ADGRA3: variants seen among roughly 807,000 people sequenced by gnomAD.
The protein encoded by ADGRA3 is adhesion G protein-coupled receptor A3.
In ADGRA3, 56 loss-of-function variants were observed where a neutral mutation model predicts 119.8. The ratio of observed to expected loss-of-function variants is 0.47; its 90% CI spans 0.38 to 0.58. ADGRA3 has a LOEUF of 0.58. ADGRA3 is among the 20% of genes least tolerant of loss of function. ADGRA3 has a pLI of 0.00. For missense variants in ADGRA3, 1,516 were observed against 1,649.0 expected (o/e 0.92, Z 1.40); for synonymous variants, 607 against 623.8 (o/e 0.97, Z 0.40).
intron 1 of ADGRA3, 101 bp downstream of exon 1, chr4:22,515,427 A>G (rs1719615616): frequency 7.1e-7 from 1 of 1,407,176 alleles, no homozygotes; most frequent in African/African-American, 1.5e-5. Context: ...ACAGCTCCAC[A>G]CAAAGGCGCG....
chr4:22,429,944 G>A (rs1027619784), intron 10 of ADGRA3, among the ~76,000 whole-genome samples: 1 of 152,174 alleles, frequency 6.6e-6, no homozygotes. Flanking sequence ...GAGGGACCCA[G>A]TGGGAGATAA....
intron 1 of ADGRA3, among the ~76,000 whole-genome samples, chr4:22,505,350 GC>G (rs1338490661): frequency 1.3e-5 from 2 of 152,096 alleles, no homozygotes; most frequent in Non-Finnish European, 2.9e-5. Flanking sequence ...AACTCCCGTT[GC>G]CCATTTAGAA....
rs1219982633 is a variant in ADGRA3, at chr4:22,510,546, CCTAA to C, written c.257+4978_257+4981del. Among the ~76,000 whole-genome samples, 6 of 152,156 alleles carry C rather than the reference CCTAA, an allele frequency of 3.9e-5. No individual in the cohort carries two copies. In the East Asian group the frequency reaches 7.8e-4, roughly 20 times the overall value. On this transcript the variant is annotated intron_variant, in intron 1 of 18. Coordinates refer to ENST00000334304, the MANE Select transcript of ADGRA3 (RefSeq NM_145290.4). The stretch of plus-strand genomic sequence containing the variant: ...CTCCTCTCCCCTCTGTGCACTCTCT[CCTAA>C]CTGACCCCAACCAGGCCTGTGTTTG...
At chr4:22,407,778 T>A (rs1188122126) in intron 14 of ADGRA3, among the ~76,000 whole-genome samples, 1 of 152,182 alleles carries the variant, frequency 6.6e-6, no homozygotes, top group Non-Finnish European at 1.5e-5. Context: ...TGTTTACTTG[T>A]CAGAGATTCA....
chr4:22,415,505 T>G (rs1715391349), intron 12 of ADGRA3, among the ~76,000 whole-genome samples: 1 of 152,134 alleles, frequency 6.6e-6, no homozygotes, highest in Admixed American at 6.5e-5. Context: ...TAGATTTCCA[T>G]TAAGTACACA....
chr4:22,494,896 T>C (rs1718757197), intron 1 of ADGRA3, among the ~76,000 whole-genome samples: 1 of 152,010 alleles, frequency 6.6e-6, no homozygotes, highest in Non-Finnish European at 1.5e-5. Flanking sequence ...AGACCCCTAG[T>C]GGATACTTAA....
At chr4:22,401,256 A>G (rs1714625244) in intron 16 of ADGRA3, among the ~76,000 whole-genome samples, 175 bp downstream of exon 16, 1 of 152,208 alleles carries the variant, frequency 6.6e-6, no homozygotes, top group African/African-American at 2.4e-5. Flanking sequence ...TCAGTTGCAA[A>G]ATGGTAATTT....
intron 1 of ADGRA3, 21 bp from the exon 2 acceptor site, chr4:22,473,864 A>T (rs765776987): frequency 6.7e-7 from 1 of 1,503,622 alleles, no homozygotes; most frequent in Admixed American, 1.7e-5. Flanking sequence ...CCAAAAAAAT[A>T]ATAAGTTGCC....
At chr4:22,389,238 T>A (rs1714006549) in intron 17 of ADGRA3, 55 bp from the exon 18 acceptor site, 1 of 1,120,542 alleles carries the variant, frequency 8.9e-7, no homozygotes, top group Non-Finnish European at 1.4e-6. Flanking sequence ...TTAACATGTA[T>A]CTCTCATAAT....
Position 22,424,195 on chromosome 4 carries a change from G to T in ADGRA3, c.1601C>A (p.Ser534Ter). Reference sequence around the variant, plus strand: ...CTATGATAATGTTACACTTACTGTTGAATAAACGTGAGCTCCACCGGCTAG... The same window carrying T: ...CTATGATAATGTTACACTTACTGTTTAATAAACGTGAGCTCCACCGGCTAG... Reference protein sequence around the residue: ...YRLAGGAHVYSTYSPNIALEA... With the variant: ...YRLAGGAHVY Residue 534 changes from serine to a stop codon, truncating the protein, a stop_gained, in exon 11 of 19, where the codon TCA becomes TAA. Coordinates refer to ENST00000334304, the MANE Select transcript of ADGRA3 (RefSeq NM_145290.4). LOFTEE classifies it high-confidence loss of function. 6.2e-7 allele frequency: 1 copy of T among 1,608,860 alleles called. No individual in the cohort carries two copies. Among genetic ancestry groups the T allele is most frequent in the Non-Finnish European group, 8.5e-7 (1 of 1,177,436 alleles).
intron 1 of ADGRA3, chr4:22,477,959 T>C (rs946970521): frequency 1.3e-5 from 2 of 152,194 alleles, no homozygotes; most frequent in Non-Finnish European, 2.9e-5. Context: ...CTAAAACCCA[T>C]TCATAATCAA....
intron 1 of ADGRA3, among the ~76,000 whole-genome samples, chr4:22,507,036 G>C (rs1239701957): frequency 2.0e-5 from 3 of 151,458 alleles, no homozygotes; most frequent in Non-Finnish European, 4.4e-5. Flanking sequence ...AGGAGCTGGA[G>C]AGTATCCTTG....
At chr4:22,412,898 C>G (rs1159443286) in intron 14 of ADGRA3, among the ~76,000 whole-genome samples, 1 of 152,026 alleles carries the variant, frequency 6.6e-6, no homozygotes, top group Non-Finnish European at 1.5e-5. Flanking sequence ...AACAGTCTCT[C>G]CAAGTTTTAA....
intron 10 of ADGRA3, 59 bp downstream of exon 10, chr4:22,435,252 C>T (rs1716346147): frequency 7.3e-7 from 1 of 1,361,234 alleles, no homozygotes; most frequent in Admixed American, 1.7e-5. Flanking sequence ...ATAGATTGAA[C>T]TCTGTCACAC....
At chr4:22,447,335 C>T (rs1716866193) in intron 5 of ADGRA3, 105 bp downstream of exon 5, 1 of 702,164 alleles carries the variant, frequency 1.4e-6, no homozygotes, top group African/African-American at 1.8e-5. Flanking sequence ...TCTACCTTGA[C>T]AAGATTGTCC....
At chr4:22,389,039 T>A (rs1462693912) in intron 18 of ADGRA3, 49 bp downstream of exon 18, 3 of 1,598,892 alleles carry the variant, frequency 1.9e-6, no homozygotes, top group East Asian at 2.2e-5. Context: ...AGAAAATACT[T>A]AAAAGAGAAA....
rs1323091465 is a variant in ADGRA3, at chr4:22,387,613, T to C, written c.*92A>G. ...TATTCCAAATTCTTTTGAATCCCTA[T>C]GGTGGCTGTAAACAGTTTTTAAATG... On this transcript the variant is annotated 3_prime_UTR_variant, in exon 19 of 19. Coordinates refer to ENST00000334304, the MANE Select transcript of ADGRA3 (RefSeq NM_145290.4). 2 of 1,230,086 alleles carry C rather than the reference T, an allele frequency of 1.6e-6. No individual in the cohort carries two copies. The highest frequency in any genetic ancestry group is 2.2e-6 in the Non-Finnish European group (2 of 892,908). 76.2% of individuals were successfully genotyped at this position (1,230,086 alleles called of 1,614,324 possible).
At chr4:22,471,619 T>C (rs1348049270) in intron 2 of ADGRA3, among the ~76,000 whole-genome samples, 1 of 152,072 alleles carries the variant, frequency 6.6e-6, no homozygotes, top group East Asian at 1.9e-4. Flanking sequence ...TTGATGTGTG[T>C]GTACTTTGGA....
In ADGRA3 at chr4:22,479,419, C is replaced by T. The variant is rs376437115; in HGVS notation, c.258-5576G>A. On this transcript the variant is annotated intron_variant, in intron 1 of 18. Coordinates refer to ENST00000334304, the MANE Select transcript of ADGRA3 (RefSeq NM_145290.4). ...CGGAGCTTGCAGTGAGCCGAGATCA[C>T]GCCACTGCACTCCAGCCTGGGCGAC... 2.7e-3 allele frequency among the ~76,000 whole-genome samples: 415 copies of T among 151,208 alleles called. 2 individuals are homozygous for T. The highest frequency in any genetic ancestry group is 9.8e-3 in the African/African-American group (402 of 41,128).
Sources: allele counts gnomAD v4.1 joint callset (sites outside exome capture counted in the v4.1 genomes callset), GRCh38; gene constraint gnomAD v4.1.1; transcripts MANE v1.5; gene names NCBI Gene and HGNC (gene_info 2026-07-23, HGNC 2026-07-21).